Variants in STARD10 observed in about 807,000 individuals in gnomAD.
STARD10 encodes START domain-containing protein 10.
A neutral mutation model predicts 36.0 loss-of-function variants in STARD10; 24 were observed. The ratio of observed to expected loss-of-function variants is 0.67; its 90% CI spans 0.48 to 0.94. STARD10 has a LOEUF of 0.94. Among genes scored for constraint, STARD10 ranks in the 40% least tolerant of loss-of-function variants. STARD10 has a pLI of 0.00. For synonymous variants in STARD10, 156 were observed against 161.9 expected (o/e 0.96, Z 0.28); for missense variants, 335 against 396.6 (o/e 0.84, Z 1.32).
At chr11:72,780,869 G>T in intron 2 of STARD10, 106 bp downstream of exon 2, 1 of 1,202,474 alleles carries the variant, frequency 8.3e-7, no homozygotes. Context: ...CTCTCTCTGG[G>T]CCCAGATATA....
chr11:72,760,613 C>T (rs1324806147), intron 2 of STARD10, among the ~76,000 whole-genome samples: 1 of 152,178 alleles, frequency 6.6e-6, no homozygotes, highest in African/African-American at 2.4e-5. Context: ...TTATTTAACC[C>T]CCTCACCAAC....
chr11:72,793,632 C>G lies in STARD10; in HGVS notation c.-871G>C, dbSNP rs533442013. The G allele has an allele frequency of 1.3e-5, 2 of 152,384 alleles. No homozygotes were observed. The highest frequency in any genetic ancestry group is 4.8e-5 in the African/African-American group (2 of 41,584). The allele number at this position is 152,384 out of a possible 1,614,324, so 9.4% of individuals were successfully genotyped here. ...AAAGGACCACAGAACGATGACTGGA[C>G]CGTTAGGTTACTATTTATTACGGTT... On this transcript the variant is annotated 5_prime_UTR_variant, in exon 1 of 7. Coordinates refer to ENST00000334805, the MANE Select transcript of STARD10 (RefSeq NM_006645.3).
intron 2 of STARD10, chr11:72,780,397 T>C (rs1485890459): frequency 4.4e-6 from 2 of 451,356 alleles, no homozygotes; most frequent in Non-Finnish European, 9.0e-6. Flanking sequence ...GGCAGGGGTA[T>C]TGGAGCCCTG....
intron 2 of STARD10, among the ~76,000 whole-genome samples, chr11:72,761,045 C>T (rs943216409): frequency 3.9e-5 from 6 of 152,214 alleles, no homozygotes; most frequent in Admixed American, 3.3e-4. Context: ...CTTGGCCCCA[C>T]TAATGGTGGT....
At chr11:72,791,932 T>C (rs964122712) in intron 1 of STARD10, among the ~76,000 whole-genome samples, 4 of 151,836 alleles carry the variant, frequency 2.6e-5, no homozygotes, top group African/African-American at 9.7e-5. Context: ...TGGAGTGCAA[T>C]GGCACCATCT....
In STARD10 at chr11:72,758,583, A is replaced by G. The variant is rs1343551250; in HGVS notation, c.406T>C (p.Trp136Arg). 1.2e-6 allele frequency: 2 copies of G among 1,614,104 alleles called. No individual in the cohort carries two copies. Among genetic ancestry groups the G allele is most frequent in the Admixed American group, 1.7e-5 (1 of 60,026 alleles). The stretch of plus-strand genomic sequence containing the variant: ...ATGTAATCAGCGCCCATGGGGAGCC[A>G]GGAGCGGAGGGTGATGACATCACGG... ...KNRDVITLRS[W>R]LPMGADYIIM... Residue 136 changes from tryptophan to arginine, a missense_variant, in exon 4 of 7, where the codon TGG becomes CGG. By Grantham distance (101) the Trp-to-Arg change is moderately radical (BLOSUM62 -3). Coordinates refer to ENST00000334805, the MANE Select transcript of STARD10 (RefSeq NM_006645.3).
chr11:72,783,726 C>G (rs1483030698), intron 1 of STARD10: 1 of 152,428 alleles, frequency 6.6e-6, no homozygotes, highest in Non-Finnish European at 1.5e-5. Flanking sequence ...TAAAACACAC[C>G]TCAGCAGATA....
chr11:72,754,911 TGTC>T lies in STARD10; in HGVS notation c.859_861del (p.Asp287del), dbSNP rs1565237822. On this transcript the variant is annotated inframe_deletion, in exon 7 of 7. Transcript: ENST00000334805. ...CGGTGCGGCGCTCAGGTGAGCGAGG[TGTC>T]GTCGTCGCTGCCCTCGCCGCCCGCG... 4 of 1,599,024 alleles carry T rather than the reference TGTC, an allele frequency of 2.5e-6. No homozygotes were observed. The highest frequency in any genetic ancestry group is 2.2e-5 in the East Asian group (1 of 44,732).
At chr11:72,774,384 C>T (rs1045677279) in intron 2 of STARD10, among the ~76,000 whole-genome samples, 1 of 152,214 alleles carries the variant, frequency 6.6e-6, no homozygotes. Flanking sequence ...AGAACAGCTC[C>T]AGCTGCCCTG....
In STARD10 at chr11:72,781,380, A is replaced by G; in HGVS notation, c.-113-86T>C. 1 of 592,420 alleles carries G rather than the reference A, an allele frequency of 1.7e-6. No individual in the cohort carries two copies. Among genetic ancestry groups the G allele is most frequent in the Non-Finnish European group, 3.0e-6 (1 of 332,842 alleles). 36.7% of individuals were successfully genotyped at this position (592,420 alleles called of 1,614,324 possible). A position where few individuals can be genotyped will look rare whatever the true frequency, so the allele number is the denominator to read the frequency against. ...GGTCCTGGCGGGTGGGGAGCTGGAG[A>G]GAGGTAGGGGCTGGCCCCAGGGAAG... is the stretch of plus-strand genomic sequence containing the variant. On this transcript the variant is annotated intron_variant, in intron 1 of 6. Transcript: ENST00000334805. The surrounding 1 kb of genome is among the most constrained non-coding windows in gnomAD (Gnocchi z 4.7).
rs540906445 is a variant in STARD10 at position 72,766,294 on chromosome 11, G to A, written c.208-6913C>T. 2.0e-5 allele frequency among the ~76,000 whole-genome samples: 3 copies of A among 152,294 alleles called. No individual in the cohort carries two copies. In the East Asian group the frequency reaches 5.8e-4, roughly 29 times the overall value. ...CACCATTCTCTGAAGCCTGCTGTGT[G>A]CCAGACCTGTGTGCAACTGTGTGGT... On this transcript the variant is annotated intron_variant, in intron 2 of 6. Coordinates refer to ENST00000334805, the MANE Select transcript of STARD10 (RefSeq NM_006645.3).
chr11:72,777,357 C>T (rs750054533), intron 2 of STARD10, among the ~76,000 whole-genome samples: 13 of 152,374 alleles, frequency 8.5e-5, no homozygotes, highest in Middle Eastern at 3.4e-3. Flanking sequence ...ATGGCACAGA[C>T]GGGCAAGCAG....
chr11:72,756,260 C>G (rs948620062), intron 5 of STARD10, among the ~76,000 whole-genome samples: 1 of 152,180 alleles, frequency 6.6e-6, no homozygotes, highest in South Asian at 2.1e-4. Flanking sequence ...AGTGTCCACT[C>G]CACCTCTGAC....
At chr11:72,766,416 G>T (rs1043426930) in intron 2 of STARD10, among the ~76,000 whole-genome samples, 1 of 152,178 alleles carries the variant, frequency 6.6e-6, no homozygotes, top group African/African-American at 2.4e-5. Context: ...AAGATAGCAC[G>T]AGCAGGGCTA....
At chr11:72,784,136 A>G (rs1471778648) in intron 1 of STARD10, among the ~76,000 whole-genome samples, 1 of 152,206 alleles carries the variant, frequency 6.6e-6, no homozygotes, top group African/African-American at 2.4e-5. Context: ...TCTGGGTCTC[A>G]TGAAAACCTC....
At chr11:72,791,797 T>C (rs978654224) in intron 1 of STARD10, among the ~76,000 whole-genome samples, 1 of 152,200 alleles carries the variant, frequency 6.6e-6, no homozygotes, top group Non-Finnish European at 1.5e-5. Flanking sequence ...AATTAAATGC[T>C]TGGAGGTGAA....
At chr11:72,771,622 G>A (rs550876766) in intron 2 of STARD10, among the ~76,000 whole-genome samples, 1 of 152,230 alleles carries the variant, frequency 6.6e-6, no homozygotes, top group African/African-American at 2.4e-5. Flanking sequence ...TCCATGCAGG[G>A]CTGAGTGACT....
Position 72,761,917 on chromosome 11 carries a change from C to CTTTTTTTTTTTTTTTTTTTTTTTTTTTTT in STARD10, c.208-2537_208-2536insAAAAAAAAAAAAAAAAAAAAAAAAAAAAA, listed in dbSNP as rs1189000490. ...TCTGTATTTCTTTTTCTTTTCTTTT[C>CTTTTTTTTTTTTTTTTTTTTTTTTTTTTT]TTTTTTTTTTTTTTTTTTTTTTTTT... On this transcript the variant is annotated intron_variant, in intron 2 of 6. Coordinates refer to ENST00000334805, the MANE Select transcript of STARD10 (RefSeq NM_006645.3). 4.8e-4 allele frequency among the ~76,000 whole-genome samples: 18 copies of CTTTTTTTTTTTTTTTTTTTTTTTTTTTTT among 37,478 alleles called. 2 individuals are homozygous for CTTTTTTTTTTTTTTTTTTTTTTTTTTTTT. The highest frequency in any genetic ancestry group is 9.5e-4 in the Admixed American group (3 of 3,168). 24.6% of individuals were successfully genotyped at this position (37,478 alleles called of 152,430 possible). A position where few individuals can be genotyped will look rare whatever the true frequency, so the allele number is the denominator to read the frequency against.
intron 6 of STARD10, chr11:72,755,486 T>C: frequency 4.9e-6 from 3 of 610,726 alleles, no homozygotes; most frequent in Admixed American, 2.5e-5. Flanking sequence ...AATTTTTGTA[T>C]TTTTAGTAGA....
Sources: gnomAD v4.1 joint callset for allele counts (sites outside exome capture counted in the v4.1 genomes callset) on GRCh38, gnomAD v4.1.1 for gene constraint, Gnocchi (gnomAD v3.1) non-coding constraint, MANE v1.5 for transcripts, NCBI Gene and HGNC (gene_info 2026-07-23, HGNC 2026-07-21) for gene names.